Variants in KHDRBS2 observed in about 807,000 individuals in gnomAD.
KHDRBS2 encodes KH RNA binding domain containing, signal transduction associated 2, also known as KH domain-containing, RNA-binding, signal transduction-associated protein 2.
KHDRBS2 carries 26 observed loss-of-function variants against 44.3 expected under a neutral mutation model. That is an observed-to-expected ratio of 0.59 (90% CI 0.43 to 0.81). The LOEUF (loss-of-function observed/expected upper bound fraction) is 0.81. Ranked by LOEUF, KHDRBS2 falls within the 40% of genes least tolerant of loss-of-function variation. KHDRBS2 has a pLI of 0.00. For missense variants in KHDRBS2, 476 were observed against 433.1 expected, an observed-to-expected ratio of 1.10 and a Z score of -0.88; for synonymous variants, 194 against 151.1, an observed-to-expected ratio of 1.28 and a Z score of -2.08.
intron 1 of KHDRBS2, among the ~76,000 whole-genome samples, chr6:62,209,653 T>C (rs1828678084): frequency 6.6e-6 from 1 of 152,178 alleles, no homozygotes; most frequent in Non-Finnish European, 1.5e-5. Flanking sequence ...GGAGATTACA[T>C]TTGAATCAGT....
intron 4 of KHDRBS2, among the ~76,000 whole-genome samples, chr6:61,974,582 A>C (rs1772115727): frequency 6.6e-6 from 1 of 151,880 alleles, no homozygotes; most frequent in Non-Finnish European, 1.5e-5. Flanking sequence ...ATTTAAAATT[A>C]GCCATGTTCA....
At position 62,217,530 on chromosome 6, in the gene KHDRBS2, G is replaced by T. The variant is rs79794780; in HGVS notation, c.92-40218C>A. On this transcript the variant is annotated intron_variant, in intron 1 of 8. Transcript: ENST00000281156. ...GTTGGTAATACAATATGGTAAATGT[G>T]ATTTATAAATTAGCAAAATACTGAA... 7.0e-3 allele frequency among the ~76,000 whole-genome samples: 1,059 copies of T among 151,874 alleles called. 39 individuals are homozygous for T. In the East Asian group the frequency reaches 0.1, roughly 15 times the overall value.
the KHDRBS2 span, among the ~76,000 whole-genome samples, chr6:61,556,949 A>G: frequency 6.8e-6 from 1 of 147,402 alleles, no homozygotes; most frequent in African/African-American, 2.5e-5. Flanking sequence ...GACTACCAAT[A>G]AAGTTTGTTG....
intron 3 of KHDRBS2, among the ~76,000 whole-genome samples, chr6:62,001,430 T>C (rs1259805240): frequency 6.6e-6 from 1 of 151,692 alleles, no homozygotes; most frequent in African/African-American, 2.4e-5. Flanking sequence ...TGACACTACA[T>C]TAAAACATGG....
chr6:62,010,781 C>A (rs1190591504), intron 3 of KHDRBS2, among the ~76,000 whole-genome samples: 1 of 151,984 alleles, frequency 6.6e-6, no homozygotes, highest in Admixed American at 6.6e-5. Context: ...TTAAAAAAAC[C>A]TCATCTGTTA....
intron 4 of KHDRBS2, among the ~76,000 whole-genome samples, chr6:61,902,518 C>CAT (rs1404891925): frequency 2.0e-5 from 3 of 151,878 alleles, no homozygotes; most frequent in Admixed American, 6.6e-5. Flanking sequence ...CACACACACA[C>CAT]ACACACACAC....
At chr6:62,198,856 G>A (rs1470949771) in intron 1 of KHDRBS2, among the ~76,000 whole-genome samples, 7 of 152,002 alleles carry the variant, frequency 4.6e-5, no homozygotes, top group Admixed American at 3.9e-4. Context: ...CTGGCAAACC[G>A]AATCCAGCAG....
intron 2 of KHDRBS2, among the ~76,000 whole-genome samples, chr6:62,080,563 T>A (rs1797194316): frequency 6.6e-6 from 1 of 152,192 alleles, no homozygotes; most frequent in South Asian, 2.1e-4. Flanking sequence ...TGATAAAATC[T>A]GAGCAGTGAT....
intron 4 of KHDRBS2, among the ~76,000 whole-genome samples, chr6:61,934,158 T>C (rs1216378156): frequency 1.3e-5 from 2 of 152,198 alleles, no homozygotes; most frequent in African/African-American, 4.8e-5. Context: ...CGGGTTTTTT[T>C]TTGCAGTTGA....
At chr6:61,976,398 C>T (rs373539422) in intron 4 of KHDRBS2, among the ~76,000 whole-genome samples, 6 of 151,894 alleles carry the variant, frequency 4.0e-5, no homozygotes, top group South Asian at 4.2e-4. Flanking sequence ...AGTGAGCAAG[C>T]GAGATGTATT....
the KHDRBS2 span, among the ~76,000 whole-genome samples, chr6:61,671,973 T>C: frequency 1.3e-5 from 2 of 151,842 alleles, no homozygotes; most frequent in African/African-American, 2.4e-5. Flanking sequence ...ATTAGGTATA[T>C]CTCCTAATGC....
intron 2 of KHDRBS2, among the ~76,000 whole-genome samples, chr6:62,105,350 C>A (rs1273103297): frequency 1.3e-5 from 2 of 152,140 alleles, no homozygotes; most frequent in Non-Finnish European, 2.9e-5. Flanking sequence ...ATAAATTCAA[C>A]ATTTCTAAAC....
At chr6:61,957,578 C>T (rs1350682310) in intron 4 of KHDRBS2, among the ~76,000 whole-genome samples, 1 of 152,138 alleles carries the variant, frequency 6.6e-6, no homozygotes, top group African/African-American at 2.4e-5. Context: ...TGCTCCCAGG[C>T]TCATTAGGAC....
intron 2 of KHDRBS2, among the ~76,000 whole-genome samples, chr6:62,101,852 CT>C (rs1200185113): frequency 6.6e-6 from 1 of 152,140 alleles, no homozygotes; most frequent in African/African-American, 2.4e-5. Flanking sequence ...CTGCATCATT[CT>C]TTTATTGTAC....
intron 6 of KHDRBS2, among the ~76,000 whole-genome samples, chr6:61,894,161 G>T (rs1175056831): frequency 6.6e-6 from 1 of 152,020 alleles, no homozygotes; most frequent in African/African-American, 2.4e-5. Context: ...AATTTTTTAT[G>T]CCAATCCACA....
At chr6:61,645,660 G>C in the KHDRBS2 span, among the ~76,000 whole-genome samples, 1 of 152,086 alleles carries the variant, frequency 6.6e-6, no homozygotes, top group Non-Finnish European at 1.5e-5. Flanking sequence ...TGTGGAAGTT[G>C]GTGGAGAAGA....
chr6:61,589,722 T>C, the KHDRBS2 span, among the ~76,000 whole-genome samples: 50,904 of 152,054 alleles, frequency 0.33, 9,527 homozygotes, highest in East Asian at 0.49. Context: ...TTGCCCCAAG[T>C]ATTTGGTAAT....
chr6:62,031,799 G>A (rs746254920), intron 3 of KHDRBS2, among the ~76,000 whole-genome samples: 1 of 152,052 alleles, frequency 6.6e-6, no homozygotes, highest in African/African-American at 2.4e-5. Flanking sequence ...CTTGGGGCCT[G>A]GGGGTCATCA....
At chr6:62,229,112 C>T (rs1190564568) in intron 1 of KHDRBS2, among the ~76,000 whole-genome samples, 1 of 152,120 alleles carries the variant, frequency 6.6e-6, no homozygotes, top group African/African-American at 2.4e-5. Flanking sequence ...GGAGGAAAGT[C>T]TAAGTCTGCT....
Sources: gnomAD v4.1 joint callset for allele counts (sites outside exome capture counted in the v4.1 genomes callset) on GRCh38, gnomAD v4.1.1 for gene constraint, MANE v1.5 for transcripts, NCBI Gene and HGNC (gene_info 2026-07-23, HGNC 2026-07-21) for gene names.